CLCNKB: variants seen among roughly 807,000 people sequenced by gnomAD.
CLCNKB encodes the protein chloride voltage-gated channel Kb, also known as chloride channel protein ClC-Kb.
Under a neutral mutation model 83.8 loss-of-function variants are expected in CLCNKB, and 74 were observed. The observed-to-expected ratio is 0.88, with a 90% CI of 0.73 to 1.07. The LOEUF (loss-of-function observed/expected upper bound fraction) is 1.07. Among genes scored for constraint, CLCNKB ranks in the 50% least tolerant of loss-of-function variants. CLCNKB has a pLI of 0.00. For synonymous variants in CLCNKB, 358 were observed against 356.6 expected, an observed-to-expected ratio of 1.00 and a Z score of -0.04; for missense variants, 798 against 893.6, an observed-to-expected ratio of 0.89 and a Z score of 1.36.
chr1:16,050,875 C>A lies in CLCNKB; in HGVS notation c.1054C>A (p.Leu352Met), dbSNP rs764256848. ...PSAGRFLASR[L>M]SMKQHLDSLF... The stretch of plus-strand genomic sequence containing the variant: ...CCAGTTCCCACCTGCCCCGCCACAG[C>A]TGTCCATGAAGCAGCATCTGGACTC... The change falls in exon 12 of 20, where the codon CTG becomes ATG. Residue 352 changes from leucine to methionine, a missense_variant and splice_region_variant. Transcript: ENST00000375679. The A allele has an allele frequency of 1.7e-5, 28 of 1,611,782 alleles. No homozygotes were observed. The highest frequency in any genetic ancestry group is 2.3e-5 in the Non-Finnish European group (27 of 1,179,956).
chr1:16,050,633 G>T (rs1425278505), intron 11 of CLCNKB, 33 bp downstream of exon 11: 2 of 1,604,836 alleles, frequency 1.2e-6, no homozygotes, highest in Non-Finnish European at 1.7e-6. Context: ...GCAGGAGTGG[G>T]GAAGCCCTAT....
chr1:16,055,401 T>C, intron 16 of CLCNKB, 34 bp from the exon 17 acceptor site: 1 of 1,565,406 alleles, frequency 6.4e-7, no homozygotes, highest in Non-Finnish European at 8.8e-7. Flanking sequence ...TTCCTCCTAA[T>C]GTGCCTCCCT....
At chr1:16,052,526 T>TGGGAG in intron 15 of CLCNKB, 115 bp downstream of exon 15, 22 of 1,354,284 alleles carry the variant, frequency 1.6e-5, no homozygotes, top group Non-Finnish European at 1.8e-5. Flanking sequence ...ACATGGGGGC[T>TGGGAG]GACACACAGC....
In CLCNKB at chr1:16,048,325, C is replaced by G. The variant is rs1189101273; in HGVS notation, c.499-18C>G. 1 of 1,613,774 alleles carries G rather than the reference C, an allele frequency of 6.2e-7. No individual in the cohort carries two copies. Among genetic ancestry groups the G allele is most frequent in the Admixed American group, 1.7e-5 (1 of 60,010 alleles). On this transcript the variant is annotated intron_variant, in intron 5 of 19. Coordinates refer to ENST00000375679, the MANE Select transcript of CLCNKB (RefSeq NM_000085.5). ...TGCTGCCCTCACCTGGGCCCTGGGCCCACCCTTCTCTCTGCAGGGCCCTTT... is the reference window on the plus strand; with the variant it reads ...TGCTGCCCTCACCTGGGCCCTGGGCGCACCCTTCTCTCTGCAGGGCCCTTT...
intron 16 of CLCNKB, 141 bp downstream of exon 16, chr1:16,053,913 C>T: frequency 8.7e-7 from 1 of 1,151,924 alleles, no homozygotes; most frequent in East Asian, 2.5e-5. Context: ...GTCACATCAC[C>T]TGAGCCTCAG....
Position 16,044,711 on chromosome 1 carries a change from A to G in CLCNKB, c.100+119A>G, listed in dbSNP as rs1392105626. 14 of 851,334 alleles carry G rather than the reference A, an allele frequency of 1.6e-5. No homozygotes were observed. In the African/African-American group the frequency reaches 1.7e-4, roughly 10 times the overall value. The allele number at this position is 851,334 out of a possible 1,614,324, so 52.7% of individuals were successfully genotyped here. A position where few individuals can be genotyped will look rare whatever the true frequency, so the allele number is the denominator to read the frequency against. On this transcript the variant is annotated intron_variant, in intron 2 of 19. Coordinates refer to ENST00000375679, the MANE Select transcript of CLCNKB (RefSeq NM_000085.5). ...CCTCCTCCTGGCATTTGTCCAGGAC[A>G]TGACTGCCCAAAGTCTCCTGGGTGG... is the stretch of plus-strand genomic sequence containing the variant.
At chr1:16,049,021 A>G (rs568263244) in intron 7 of CLCNKB, 99 bp from the exon 8 acceptor site, 15 of 1,609,234 alleles carry the variant, frequency 9.3e-6, no homozygotes, top group Admixed American at 1.7e-5. Context: ...GCAGGAGAGC[A>G]GGACAGATGG....
rs575006915 is a variant in CLCNKB at position 16,052,415 on chromosome 1, A to C, written c.1622+4A>C. The stretch of plus-strand genomic sequence containing the variant: ...GGATTCTGGGCCGCAACATCGGGTG[A>C]GTGGTGCCCACCTCAGGCTGACTGA... On this transcript the variant is annotated splice_donor_region_variant and intron_variant, in intron 15 of 19. Coordinates refer to ENST00000375679, the MANE Select transcript of CLCNKB (RefSeq NM_000085.5). 8 of 1,612,872 alleles carry C rather than the reference A, an allele frequency of 5.0e-6. No individual in the cohort carries two copies. In the South Asian group the frequency reaches 7.7e-5, roughly 15 times the overall value.
At position 16,048,733 on chromosome 1, in the gene CLCNKB, CA is replaced by C. The variant is rs200548651; in HGVS notation, c.655+152del. 16,657 of 1,478,076 alleles carry C rather than the reference CA, an allele frequency of 0.011. 145 individuals are homozygous for C. The highest frequency in any genetic ancestry group is 0.013 in the Non-Finnish European group (14,043 of 1,115,770). 91.6% of individuals were successfully genotyped at this position (1,478,076 alleles called of 1,614,324 possible). ...CGCCTTGGGCACAGCCACCGCCCCC[CA>C]CCGGGGGGAGGGGGGGCGGGTGACT... On this transcript the variant is annotated intron_variant, in intron 7 of 19. Coordinates refer to ENST00000375679, the MANE Select transcript of CLCNKB (RefSeq NM_000085.5).
chr1:16,049,267 A>C (rs1307243262), intron 8 of CLCNKB, 22 bp downstream of exon 8: 1 of 1,612,088 alleles, frequency 6.2e-7, no homozygotes, highest in South Asian at 1.1e-5. Context: ...GGGCTGCCTG[A>C]CCCTGGCCCT....
chr1:16,049,376 C>T (rs2023208702), intron 8 of CLCNKB, 131 bp downstream of exon 8: 3 of 1,529,982 alleles, frequency 2.0e-6, no homozygotes, highest in African/African-American at 1.4e-5. Context: ...TCCTTGTTCC[C>T]ACCTCCTTCT....
chr1:16,048,727 G>GA, intron 7 of CLCNKB, 145 bp downstream of exon 7: 1 of 1,474,896 alleles, frequency 6.8e-7, no homozygotes, highest in Non-Finnish European at 9.0e-7. Flanking sequence ...CACAGCCACC[G>GA]CCCCCCACCG....
intron 3 of CLCNKB, 65 bp downstream of exon 3, chr1:16,045,751 G>A: frequency 3.3e-6 from 5 of 1,499,116 alleles, no homozygotes; most frequent in South Asian, 1.1e-5. Context: ...GGGGATGCCA[G>A]GTGGATGTCG....
At chr1:16,056,136 T>C (rs1408606732) in intron 18 of CLCNKB, among the ~76,000 whole-genome samples, 1 of 152,182 alleles carries the variant, frequency 6.6e-6, no homozygotes, top group African/African-American at 2.4e-5. Context: ...GGCACACGGG[T>C]TGGGGAGGGG....
Position 16,048,397 on chromosome 1 carries a change from A to T in CLCNKB, c.553A>T (p.Thr185Ser), listed in dbSNP as rs1458462712. 1 of 1,613,774 alleles carries T rather than the reference A, an allele frequency of 6.2e-7. No individual in the cohort carries two copies. Among genetic ancestry groups the T allele is most frequent in the African/African-American group, 1.3e-5 (1 of 74,814 alleles). The change falls in exon 6 of 20, where the codon ACC (threonine) becomes TCC (serine). Residue 185 changes from threonine (T) to serine (S), a missense_variant. Transcript: ENST00000375679. ...MMAAYLGRVR[T>S]TTIGEPENKS... The stretch of plus-strand genomic sequence containing the variant: ...GGCTGCCTACCTGGGCCGTGTGCGC[A>T]CCACGACCATCGGGGAGCCTGAGGT...
At position 16,046,535 on chromosome 1, in the gene CLCNKB, C is replaced by T. The variant is rs146627440; in HGVS notation, c.230C>T (p.Ala77Val). 7.4e-5 allele frequency: 119 copies of T among 1,613,734 alleles called. No individual in the cohort carries two copies. The highest frequency in any genetic ancestry group is 9.0e-5 in the Non-Finnish European group (106 of 1,180,014). The change falls in exon 4 of 20, where the codon GCG (alanine) becomes GTG (valine). Residue 77 changes from alanine (A) to valine (V), a missense_variant and splice_region_variant. Ala to Val is a moderately conservative substitution (Grantham distance 64). Transcript: ENST00000375679. ...MDLAVESVVR[A>V]HQWLYREIGD... Reference sequence around the variant, plus strand: ...CTCCCTGATACCCGGCTGTCCCCAGCGCACCAGTGGCTGTACAGGGAGATT... The same window carrying T: ...CTCCCTGATACCCGGCTGTCCCCAGTGCACCAGTGGCTGTACAGGGAGATT...
At chr1:16,053,239 GC>G (rs1222743061) in intron 15 of CLCNKB, among the ~76,000 whole-genome samples, 2 of 152,130 alleles carry the variant, frequency 1.3e-5, no homozygotes, top group East Asian at 3.9e-4. Flanking sequence ...CGTCAGCCAG[GC>G]TAGTCTTGAA....
At chr1:16,045,768 G>T in intron 3 of CLCNKB, 82 bp downstream of exon 3, 1 of 908,872 alleles carries the variant, frequency 1.1e-6, no homozygotes. Flanking sequence ...GTCGCCAGGT[G>T]CAGCGGAGGT....
At chr1:16,046,756 A>G (rs2023116176) in intron 4 of CLCNKB, 93 bp downstream of exon 4, 4 of 1,510,628 alleles carry the variant, frequency 2.6e-6, no homozygotes, top group Non-Finnish European at 9.1e-7. Context: ...TTTCACAGAC[A>G]AAGGCCCAGG....
Sources: allele counts gnomAD v4.1 joint callset (sites outside exome capture counted in the v4.1 genomes callset), GRCh38; gene constraint gnomAD v4.1.1; transcripts MANE v1.5; gene names NCBI Gene and HGNC (gene_info 2026-07-23, HGNC 2026-07-21).